Variants in POLI observed in about 807,000 individuals in gnomAD.
POLI encodes DNA polymerase iota.
Under a neutral mutation model 51.6 loss-of-function variants are expected in POLI, and 58 were observed. The observed-to-expected ratio is 1.12, with a 90% CI of 0.91 to 1.40. POLI has a LOEUF of 1.40. Ranked by LOEUF, POLI falls within the 40% of genes most tolerant of loss-of-function variation. The probability of loss-of-function intolerance (pLI) is 0.00; values close to 1 mark genes in which losing one functional copy is unlikely to be tolerated. For synonymous variants in POLI, 322 were observed against 299.7 expected (o/e 1.07, Z -0.77); for missense variants, 921 against 871.3 (o/e 1.06, Z -0.72).
In POLI at chr18:54,297,827, T is replaced by G. The variant is rs2088408400; in HGVS notation, c.*3360T>G. On this transcript the variant is annotated 3_prime_UTR_variant, in exon 10 of 10. Transcript: ENST00000579534. ...TCTCCAAATTGGATATTATTAGTATTTTATATAGTCAATGTTTATTTTTTT... is the reference window on the plus strand; with the variant it reads ...TCTCCAAATTGGATATTATTAGTATGTTATATAGTCAATGTTTATTTTTTT... 6 of 970,938 alleles carry G rather than the reference T, an allele frequency of 6.2e-6. No homozygotes were observed. In the Middle Eastern group the frequency reaches 1.6e-3, roughly 257 times the overall value. 60.1% of individuals were successfully genotyped at this position (970,938 alleles called of 1,614,324 possible).
intron 3 of POLI, among the ~76,000 whole-genome samples, chr18:54,318,812 A>T (rs1413936631): frequency 6.6e-6 from 1 of 152,160 alleles, no homozygotes; most frequent in Admixed American, 6.6e-5. Context: ...CATATTCTGT[A>T]TTAGTAAAGC....
In POLI at chr18:54,294,744, A is replaced by G; in HGVS notation, c.*277A>G. ...GGTCAACATAGAATATTTTTCATGA[A>G]TTGGTGGGGAGATGTATATGTTTAT... On this transcript the variant is annotated 3_prime_UTR_variant, in exon 10 of 10. Coordinates refer to ENST00000579534, the MANE Select transcript of POLI (RefSeq NM_007195.3). 9.8e-7 allele frequency: 1 copy of G among 1,023,560 alleles called. No homozygotes were observed. Among genetic ancestry groups the G allele is most frequent in the Non-Finnish European group, 1.2e-6 (1 of 848,300 alleles). The allele number at this position is 1,023,560 out of a possible 1,614,324, so 63.4% of individuals were successfully genotyped here.
chr18:54,308,162 G>A (rs2088618630), intron 3 of POLI, among the ~76,000 whole-genome samples: 2 of 152,162 alleles, frequency 1.3e-5, no homozygotes, highest in African/African-American at 4.8e-5. Context: ...AGTTGATGCA[G>A]TTTCTTCCTA....
At chr18:54,299,999 T>TA (rs34407740), downstream of POLI, among the ~76,000 whole-genome samples, 1,372 of 147,418 alleles carry the variant, frequency 9.3e-3, 17 homozygotes, top group Middle Eastern at 0.034. Context: ...TTAGATATCT[T>TA]AAAAAAAAAA....
At position 54,282,889 on chromosome 18, in the gene POLI, G is replaced by A. The variant is rs2087572405; in HGVS notation, c.849G>A (p.Val283=). 1 of 1,582,636 alleles carries A rather than the reference G, an allele frequency of 6.3e-7. No individual in the cohort carries two copies. The highest frequency in any genetic ancestry group is 8.6e-7 in the Non-Finnish European group (1 of 1,162,616). Reference sequence around the variant, plus strand: ...TTGAAGCACTGGGTATCAATAGTGTGCGTGATCTCCAAACCTTTTCACCCA... The same window carrying A: ...TTGAAGCACTGGGTATCAATAGTGTACGTGATCTCCAAACCTTTTCACCCA... ...KCLEALGINS[V]RDLQTFSPKI... Residue 283 remains valine (V), a synonymous_variant, in exon 6 of 10, where the codon GTG becomes GTA. Transcript: ENST00000579534.
At chr18:54,300,130 A>G (rs2144627628), downstream of POLI, among the ~76,000 whole-genome samples, 1 of 152,314 alleles carries the variant, frequency 6.6e-6, no homozygotes, top group Middle Eastern at 3.4e-3. Context: ...ATACAGATCT[A>G]CACACAGAAA....
Position 54,269,528 on chromosome 18 carries a change from T to A in POLI, c.-19T>A, listed in dbSNP as rs2086898216. ...AGGCGGAAGCGGCCGGAAGTAGCGC[T>A]GCGGTTGGCAGCGGCGGGATGGAGA... On this transcript the variant is annotated 5_prime_UTR_variant, in exon 1 of 10. Coordinates refer to ENST00000579534, the MANE Select transcript of POLI (RefSeq NM_007195.3). 3.3e-6 allele frequency: 5 copies of A among 1,507,712 alleles called. No homozygotes were observed. Among genetic ancestry groups the A allele is most frequent in the Non-Finnish European group, 4.4e-6 (5 of 1,132,210 alleles). 93.4% of individuals were successfully genotyped at this position (1,507,712 alleles called of 1,614,324 possible).
intron 9 of POLI, 41 bp from the exon 10 acceptor site, chr18:54,293,608 A>G (rs2088130385): frequency 1.5e-6 from 2 of 1,334,566 alleles, no homozygotes; most frequent in African/African-American, 1.5e-5. Flanking sequence ...TATTTAAAAG[A>G]TATCAGATAT....
chr18:54,300,778 T>C (rs149761217), downstream of POLI, among the ~76,000 whole-genome samples: 652 of 152,034 alleles, frequency 4.3e-3, 2 homozygotes, highest in East Asian at 0.018. Context: ...AAGACACGAG[T>C]CTAACATTAA....
chr18:54,294,029 C>G lies in POLI; in HGVS notation c.1785C>G (p.Ser595=). ...ATTTATCCAGTAGCAAACAGGTATCCTCTGTATCTCCTTGTGAACCGGGAA... is the reference window on the plus strand; with the variant it reads ...ATTTATCCAGTAGCAAACAGGTATCGTCTGTATCTCCTTGTGAACCGGGAA... ...RDHLSSSKQV[S]SVSPCEPGTS... Residue 595 remains serine, a synonymous_variant, in exon 10 of 10, where the codon TCC becomes TCG. Coordinates refer to ENST00000579534, the MANE Select transcript of POLI (RefSeq NM_007195.3). The G allele has an allele frequency of 6.2e-7, 1 of 1,613,470 alleles. No homozygotes were observed. The highest frequency in any genetic ancestry group is 2.2e-5 in the East Asian group (1 of 44,860).
In POLI at chr18:54,287,376, C is replaced by G; in HGVS notation, c.1163C>G (p.Pro388Arg). ...KHYGRESRQC[P>R]IPSHVIQKLG... ...TATGGTCGTGAGAGTCGTCAGTGCC[C>G]TATTCCTTCACATGTAATTCAGAAA... is the stretch of plus-strand genomic sequence containing the variant. Residue 388 changes from proline (P) to arginine (R), a missense_variant, in exon 8 of 10, where the codon CCT (proline) becomes CGT (arginine). Physicochemically the swap from Pro to Arg is moderately radical, Grantham distance 103. Coordinates refer to ENST00000579534, the MANE Select transcript of POLI (RefSeq NM_007195.3). 6.2e-7 allele frequency: 1 copy of G among 1,605,918 alleles called. No homozygotes were observed. Among genetic ancestry groups the G allele is most frequent in the African/African-American group, 1.3e-5 (1 of 74,894 alleles).
At chr18:54,313,434 T>C (rs2088695463) in intron 3 of POLI, among the ~76,000 whole-genome samples, 1 of 152,136 alleles carries the variant, frequency 6.6e-6, no homozygotes, top group South Asian at 2.1e-4. Flanking sequence ...CTTTGGCTAT[T>C]TGGGCTTTTT....
chr18:54,295,489 C>G lies in POLI; in HGVS notation c.*1022C>G, dbSNP rs2088277511. On this transcript the variant is annotated 3_prime_UTR_variant, in exon 10 of 10. Transcript: ENST00000579534. ...GAATATACTAAAGTATCCCTCAGCA[C>G]CAATATGGGAGTATCCTGGTCTCAA... The G allele has an allele frequency of 5.3e-6, 5 of 951,550 alleles. No homozygotes were observed. The South Asian group carries it at 1.5e-4, about 28-fold the overall frequency. The allele number at this position is 951,550 out of a possible 1,614,324, so 58.9% of individuals were successfully genotyped here.
chr18:54,290,890 T>C (rs1175846661), intron 8 of POLI, among the ~76,000 whole-genome samples: 1 of 152,074 alleles, frequency 6.6e-6, no homozygotes, highest in East Asian at 1.9e-4. Context: ...GAAGAGTTGA[T>C]AGGTGTAGCA....
intron 8 of POLI, among the ~76,000 whole-genome samples, chr18:54,288,553 C>A (rs2087852446): frequency 6.6e-6 from 1 of 151,878 alleles, no homozygotes; most frequent in Non-Finnish European, 1.5e-5. Context: ...TCCTGACTTT[C>A]TTGTTTCATT....
At chr18:54,315,921 A>AT (rs1266399426) in intron 3 of POLI, among the ~76,000 whole-genome samples, 1,456 of 143,286 alleles carry the variant, frequency 0.01, 56 homozygotes, top group Admixed American at 0.085. Context: ...CATTTTATGC[A>AT]TTTTTTTTTT....
Position 54,294,049 on chromosome 18 carries a change from C to T in POLI, c.1805C>T (p.Pro602Leu), listed in dbSNP as rs200314275. 42 of 1,613,004 alleles carry T rather than the reference C, an allele frequency of 2.6e-5. No individual in the cohort carries two copies. Among genetic ancestry groups the T allele is most frequent in the East Asian group, 1.3e-4 (6 of 44,860 alleles). The change falls in exon 10 of 10, where the codon CCG becomes CTG. Residue 602 changes from proline to leucine, a missense_variant. By Grantham distance (98) the Pro-to-Leu change is moderately conservative. Coordinates refer to ENST00000579534, the MANE Select transcript of POLI (RefSeq NM_007195.3). ...KQVSSVSPCE[P>L]GTSGFNSSSS... ...GTATCCTCTGTATCTCCTTGTGAAC[C>T]GGGAACATCAGGCTTTAATAGCAGT...
rs1380460573 is a variant in POLI at position 54,298,140 on chromosome 18, A to G, written c.*3673A>G. ...AAAAAACTTCTATTTTAAAATCTGTATATAGAAAGGTACATAAACATAAAT... is the reference window on the plus strand; with the variant it reads ...AAAAAACTTCTATTTTAAAATCTGTGTATAGAAAGGTACATAAACATAAAT... On this transcript the variant is annotated 3_prime_UTR_variant, in exon 10 of 10. Transcript: ENST00000579534. The G allele has an allele frequency of 7.9e-6, 6 of 761,608 alleles. No homozygotes were observed. The highest frequency in any genetic ancestry group is 1.2e-4 in the South Asian group (2 of 16,586). The allele number at this position is 761,608 out of a possible 1,614,324, so 47.2% of individuals were successfully genotyped here.
downstream of POLI, among the ~76,000 whole-genome samples, chr18:54,301,614 C>T (rs1232521556): frequency 6.6e-6 from 1 of 152,160 alleles, no homozygotes; most frequent in Non-Finnish European, 1.5e-5. Context: ...CAATACTCAA[C>T]TGAGGACTTA....
Sources: gnomAD v4.1 joint callset for allele counts (sites outside exome capture counted in the v4.1 genomes callset) on GRCh38, gnomAD v4.1.1 for gene constraint, MANE v1.5 for transcripts, NCBI Gene and HGNC (gene_info 2026-07-23, HGNC 2026-07-21) for gene names.